The following GTF2F2 variants were observed in gnomAD, a reference collection of about 807,000 sequenced individuals.
GTF2F2 encodes the protein ATP-dependent helicase GTF2F2.
Under a neutral mutation model 42.2 loss-of-function variants are expected in GTF2F2, and 23 were observed. The observed-to-expected ratio is 0.55, with a 90% confidence interval of 0.39 to 0.77. GTF2F2 has a LOEUF of 0.77. Ranked by LOEUF, GTF2F2 falls within the 30% of genes least tolerant of loss-of-function variation. The probability of loss-of-function intolerance (pLI) is 0.00; values close to 1 mark genes in which losing one functional copy is unlikely to be tolerated. For missense variants in GTF2F2, 261 were observed against 287.2 expected (o/e 0.91, Z 0.66); for synonymous variants, 105 against 100.8 (o/e 1.04, Z -0.25).
rs549806143 is a variant in GTF2F2 at position 45,163,015 on chromosome 13, A to G, written c.304+11184A>G. ...TGTGACTCATTATGACTAGTCTGCAATTCTCAAAACAAAATCTTTATAGTT... is the reference window on the plus strand; with the variant it reads ...TGTGACTCATTATGACTAGTCTGCAGTTCTCAAAACAAAATCTTTATAGTT... On this transcript the variant is annotated intron_variant, in intron 4 of 7. Coordinates refer to ENST00000340473, the MANE Select transcript of GTF2F2 (RefSeq NM_004128.3). Among the ~76,000 whole-genome samples, 34 of 149,484 alleles carry G rather than the reference A, an allele frequency of 2.3e-4. 1 individual carries two copies. The highest frequency in any genetic ancestry group is 4.7e-4 in the Admixed American group (7 of 14,834).
At chr13:45,152,935 A>G (rs201773136) in intron 4 of GTF2F2, among the ~76,000 whole-genome samples, 1 of 152,230 alleles carries the variant, frequency 6.6e-6, no homozygotes, top group East Asian at 1.9e-4. Context: ...TATTTCATCA[A>G]GCATTTCAAA....
intron 4 of GTF2F2, among the ~76,000 whole-genome samples, chr13:45,189,172 G>T (rs1021891665): frequency 6.6e-6 from 1 of 152,044 alleles, no homozygotes; most frequent in Admixed American, 6.6e-5. Context: ...CTGTCCTTGT[G>T]ATATTTTGCC....
rs556867495 is a variant in GTF2F2, at chr13:45,185,428, A to T, written c.305-21996A>T. 6.5e-4 allele frequency among the ~76,000 whole-genome samples: 98 copies of T among 151,688 alleles called. 2 individuals carry two copies. Among genetic ancestry groups the T allele is most frequent in the African/African-American group, 2.2e-3 (90 of 40,956 alleles). Reference sequence around the variant, plus strand: ...GTAACACCAACTTATAATATGTTGTAAACTTATACATATTGTAAGCACATG... The same window carrying T: ...GTAACACCAACTTATAATATGTTGTTAACTTATACATATTGTAAGCACATG... On this transcript the variant is annotated intron_variant, in intron 4 of 7. Transcript: ENST00000340473.
intron 4 of GTF2F2, among the ~76,000 whole-genome samples, chr13:45,155,643 T>C (rs1204232809): frequency 1.3e-5 from 2 of 152,230 alleles, no homozygotes; most frequent in African/African-American, 4.8e-5. Context: ...TTTTATGAAC[T>C]CAGTTAATTT....
At chr13:45,208,730 G>C (rs59387922) in intron 5 of GTF2F2, among the ~76,000 whole-genome samples, 1 of 152,060 alleles carries the variant, frequency 6.6e-6, no homozygotes, top group African/African-American at 2.4e-5. Context: ...AGATTAGACT[G>C]TCTCCTGAGA....
At chr13:45,157,431 A>C (rs909991560) in intron 4 of GTF2F2, among the ~76,000 whole-genome samples, 1 of 152,232 alleles carries the variant, frequency 6.6e-6, no homozygotes, top group Non-Finnish European at 1.5e-5. Context: ...TTTGATTTAC[A>C]TGTTAAAGAC....
In GTF2F2 at chr13:45,252,926, G is replaced by T. The variant is rs1875941235; in HGVS notation, c.442G>T (p.Val148Phe). 6.6e-7 allele frequency: 1 copy of T among 1,504,064 alleles called. No homozygotes were observed. Among genetic ancestry groups the T allele is most frequent in the Non-Finnish European group, 8.8e-7 (1 of 1,132,052 alleles). The allele number at this position is 1,504,064 out of a possible 1,614,324, so 93.2% of individuals were successfully genotyped here. ...GAGGCTATCACAACAGCTGGACAAAGTTGTAACAACCAATTACAAACCTGT... is the reference window on the plus strand; with the variant it reads ...GAGGCTATCACAACAGCTGGACAAATTTGTAACAACCAATTACAAACCTGT... ...PVRLSQQLDK[V>F]VTTNYKPVAN... Residue 148 changes from valine to phenylalanine, a missense_variant, in exon 6 of 8, where the codon GTT becomes TTT. Coordinates refer to ENST00000340473, the MANE Select transcript of GTF2F2 (RefSeq NM_004128.3).
At chr13:45,267,748 G>A (rs1210113743) in intron 7 of GTF2F2, among the ~76,000 whole-genome samples, 2 of 150,030 alleles carry the variant, frequency 1.3e-5, no homozygotes, top group Non-Finnish European at 1.5e-5. Context: ...ATTCTTTAAA[G>A]AATTATACTG....
At chr13:45,179,810 C>T (rs935501276) in intron 4 of GTF2F2, among the ~76,000 whole-genome samples, 5 of 151,878 alleles carry the variant, frequency 3.3e-5, no homozygotes, top group African/African-American at 1.2e-4. Flanking sequence ...TAAGTTAGCC[C>T]ACCATTATAG....
chr13:45,183,702 A>C (rs1368707005), intron 4 of GTF2F2, among the ~76,000 whole-genome samples: 2 of 152,106 alleles, frequency 1.3e-5, no homozygotes, highest in Admixed American at 6.5e-5. Flanking sequence ...CCATCACCTC[A>C]TGAGATCATT....
intron 5 of GTF2F2, among the ~76,000 whole-genome samples, chr13:45,248,889 T>C (rs1875759013): frequency 6.6e-6 from 1 of 152,232 alleles, no homozygotes; most frequent in African/African-American, 2.4e-5. Flanking sequence ...ACTGTATTTT[T>C]AAATTTTCTG....
chr13:45,267,277 A>G lies in GTF2F2; in HGVS notation c.531A>G (p.Arg177=). The change falls in exon 7 of 8, where the codon CGA becomes CGG. Residue 177 remains arginine (R), a synonymous_variant. Coordinates refer to ENST00000340473, the MANE Select transcript of GTF2F2 (RefSeq NM_004128.3). ...AGAAAGAAGACGGAAAGCGAGCTCG[A>G]GCTGATAAACAACATGTTTTAGACA... ...RKKKEDGKRA[R]ADKQHVLDML... is the part of the protein sequence containing the mutation. The G allele has an allele frequency of 6.2e-7, 1 of 1,612,704 alleles. No homozygotes were observed. Among genetic ancestry groups the G allele is most frequent in the Non-Finnish European group, 8.5e-7 (1 of 1,178,782 alleles).
At chr13:45,221,497 A>G (rs1441653901) in intron 5 of GTF2F2, among the ~76,000 whole-genome samples, 2 of 152,192 alleles carry the variant, frequency 1.3e-5, no homozygotes, top group African/African-American at 4.8e-5. Context: ...CCCCAAAACT[A>G]TAGAAATTTT....
intron 7 of GTF2F2, among the ~76,000 whole-genome samples, chr13:45,272,738 G>A (rs771912224): frequency 4.1e-5 from 6 of 148,030 alleles, no homozygotes; most frequent in African/African-American, 7.4e-5. Context: ...GAGCGAGACC[G>A]TGTCTCAAAT....
intron 1 of GTF2F2, among the ~76,000 whole-genome samples, chr13:45,133,307 A>G (rs1712148447): frequency 6.6e-6 from 1 of 152,068 alleles, no homozygotes; most frequent in Admixed American, 6.6e-5. Context: ...GAAGTTAAAG[A>G]AAGAAAAATA....
chr13:45,228,556 C>T (rs184332636), intron 5 of GTF2F2, among the ~76,000 whole-genome samples: 1 of 151,218 alleles, frequency 6.6e-6, no homozygotes, highest in East Asian at 2.0e-4. Flanking sequence ...CACCGTTCTT[C>T]CCTTTAACCA....
intron 4 of GTF2F2, among the ~76,000 whole-genome samples, chr13:45,169,606 G>A (rs1204642732): frequency 6.6e-6 from 1 of 152,118 alleles, no homozygotes; most frequent in Non-Finnish European, 1.5e-5. Flanking sequence ...TTTTCTTCTT[G>A]TGTTTTGCTT....
intron 5 of GTF2F2, among the ~76,000 whole-genome samples, chr13:45,245,232 T>C (rs1458394498): frequency 6.6e-6 from 1 of 152,208 alleles, no homozygotes; most frequent in Non-Finnish European, 1.5e-5. Flanking sequence ...AGATGTAGTC[T>C]GTCTACCCTG....
chr13:45,260,256 TAAAA>T, intron 6 of GTF2F2, among the ~76,000 whole-genome samples: 2 of 152,320 alleles, frequency 1.3e-5, no homozygotes, highest in Non-Finnish European at 2.9e-5. Context: ...TTTTCCTAAA[TAAAA>T]AGGATGTTTG....
Sources: allele counts gnomAD v4.1 joint callset (sites outside exome capture counted in the v4.1 genomes callset), GRCh38; gene constraint gnomAD v4.1.1; transcripts MANE v1.5; gene names NCBI Gene and HGNC (gene_info 2026-07-23, HGNC 2026-07-21).